The following RORB variants were observed in gnomAD, a reference collection of about 807,000 sequenced individuals.
The protein encoded by RORB is nuclear receptor ROR-beta.
RORB carries 6 observed loss-of-function variants against 59.1 expected under a neutral mutation model. The ratio of observed to expected loss-of-function variants is 0.10; its 90% confidence interval spans 0.06 to 0.20. The LOEUF is 0.20. Among genes scored for constraint, RORB ranks in the 10% least tolerant of loss-of-function variants. The pLI, the probability that RORB is intolerant of heterozygous loss-of-function variation, is 1.00. For synonymous variants in RORB, 215 were observed against 204.5 expected, an observed-to-expected ratio of 1.05 and a Z score of -0.44; for missense variants, 320 against 560.5, an observed-to-expected ratio of 0.57 and a Z score of 4.33.
At chr9:74,500,722 C>T (rs747335618) in intron 1 of RORB, among the ~76,000 whole-genome samples, 11 of 152,124 alleles carry the variant, frequency 7.2e-5, no homozygotes, top group Non-Finnish European at 1.6e-4. Flanking sequence ...CCTCCCCCGC[C>T]TAGGGCATTT....
rs553478602 is a variant in RORB at position 74,640,228 on chromosome 9, G to C, written c.236-2186G>C. Among the ~76,000 whole-genome samples the C allele has an allele frequency of 2.6e-5, 4 of 152,170 alleles. No homozygotes were observed. In the South Asian group the frequency reaches 8.3e-4, roughly 32 times the overall value. Reference sequence around the variant, plus strand: ...GCCAGAATGTAGGGGTTGGTTGCTTGGTTGGTTTGTTGTGTTTTGTTTTGT... The same window carrying C: ...GCCAGAATGTAGGGGTTGGTTGCTTCGTTGGTTTGTTGTGTTTTGTTTTGT... On this transcript the variant is annotated intron_variant, in intron 3 of 9. Coordinates refer to ENST00000376896, the MANE Select transcript of RORB (RefSeq NM_006914.4).
rs188347780 is a variant in RORB, at chr9:74,536,772, C to T, written c.7+38789C>T. On this transcript the variant is annotated intron_variant, in intron 1 of 9. Coordinates refer to ENST00000376896, the MANE Select transcript of RORB (RefSeq NM_006914.4). ...CAAAAAGAAAACATCAGCTTACTAG[C>T]CCACAGTCACCTGGTGAGACAGCAA... Among the ~76,000 whole-genome samples, 24 of 152,046 alleles carry T rather than the reference C, an allele frequency of 1.6e-4. 1 individual carries two copies. In the East Asian group the frequency reaches 4.3e-3, roughly 27 times the overall value.
At chr9:74,558,787 C>A (rs1005275344) in intron 1 of RORB, among the ~76,000 whole-genome samples, 1 of 152,034 alleles carries the variant, frequency 6.6e-6, no homozygotes, top group East Asian at 1.9e-4. Context: ...AATCTGCAAG[C>A]CCCGCTTGTG....
chr9:74,595,694 T>C (rs1364454699), intron 1 of RORB, among the ~76,000 whole-genome samples: 1 of 152,218 alleles, frequency 6.6e-6, no homozygotes, highest in South Asian at 2.1e-4. Flanking sequence ...TCCTATGTTG[T>C]TTTTTGGTTC....
chr9:74,597,939 C>T (rs967441955), intron 1 of RORB, among the ~76,000 whole-genome samples: 1 of 149,938 alleles, frequency 6.7e-6, no homozygotes, highest in South Asian at 2.1e-4. Flanking sequence ...GCCTGGGTGA[C>T]AACAGTGAAA....
intron 1 of RORB, among the ~76,000 whole-genome samples, chr9:74,513,236 G>T (rs957518493): frequency 2.0e-5 from 3 of 152,000 alleles, no homozygotes; most frequent in African/African-American, 2.4e-5. Flanking sequence ...AAATAGAATC[G>T]ATGTGAAACC....
At chr9:74,617,564 T>C (rs150337153) in intron 1 of RORB, among the ~76,000 whole-genome samples, 1 of 152,310 alleles carries the variant, frequency 6.6e-6, no homozygotes, top group African/African-American at 2.4e-5. Flanking sequence ...ATTATGCTGG[T>C]AATCTCTTTA....
At chr9:74,621,314 T>C (rs1823413918) in intron 1 of RORB, among the ~76,000 whole-genome samples, 1 of 152,218 alleles carries the variant, frequency 6.6e-6, no homozygotes, top group African/African-American at 2.4e-5. Context: ...TTTAATTATC[T>C]TTGTAGTTTT....
chr9:74,614,810 G>A (rs376088485), intron 1 of RORB, among the ~76,000 whole-genome samples: 12 of 152,196 alleles, frequency 7.9e-5, no homozygotes, highest in South Asian at 2.1e-4. Flanking sequence ...GGAAGTTAAC[G>A]CAATTTTTAC....
intron 1 of RORB, among the ~76,000 whole-genome samples, chr9:74,558,695 AGGG>A (rs1822347502): frequency 1.5e-5 from 1 of 66,298 alleles, no homozygotes. Flanking sequence ...GAAGAGATAG[AGGG>A]AGAAACAATA....
chr9:74,678,735 T>A (rs771393105), intron 9 of RORB, among the ~76,000 whole-genome samples: 1 of 152,140 alleles, frequency 6.6e-6, no homozygotes, highest in Non-Finnish European at 1.5e-5. Context: ...TAGACTTCAC[T>A]ATGATTAATA....
intron 8 of RORB, among the ~76,000 whole-genome samples, chr9:74,668,861 T>G (rs1824307487): frequency 1.3e-5 from 2 of 152,146 alleles, no homozygotes; most frequent in Admixed American, 6.5e-5. Context: ...AAGGGTCACC[T>G]GTATCAGGAG....
intron 1 of RORB, among the ~76,000 whole-genome samples, chr9:74,627,372 T>C (rs1463599794): frequency 6.6e-6 from 1 of 152,192 alleles, no homozygotes; most frequent in Non-Finnish European, 1.5e-5. Context: ...TATACACATA[T>C]ACCATTTTAA....
At chr9:74,632,884 T>C (rs552330042) in intron 2 of RORB, among the ~76,000 whole-genome samples, 1 of 152,320 alleles carries the variant, frequency 6.6e-6, no homozygotes, top group Non-Finnish European at 1.5e-5. Flanking sequence ...ATCTCCATTC[T>C]AAGATGCTCC....
In RORB at chr9:74,567,192, A is replaced by AT. The variant is rs374710036; in HGVS notation, c.8-63084dup. ...ACGCACACACCACCACACCCGGCTA[A>AT]TTTTTTGTATTTTTAGTAGAGACGA... On this transcript the variant is annotated intron_variant, in intron 1 of 9. Transcript: ENST00000376896. 4.4e-3 allele frequency among the ~76,000 whole-genome samples: 673 copies of AT among 151,992 alleles called. 5 individuals are homozygous for AT. Among genetic ancestry groups the AT allele is most frequent in the African/African-American group, 0.015 (622 of 41,456 alleles).
chr9:74,634,078 TA>T (rs57659935), intron 2 of RORB, among the ~76,000 whole-genome samples: 2,264 of 141,450 alleles, frequency 0.016, 18 homozygotes, highest in Admixed American at 0.024. Context: ...CTCAAAAAGT[TA>T]AAAAAAAAAA....
intron 1 of RORB, among the ~76,000 whole-genome samples, chr9:74,526,088 T>C (rs1826152465): frequency 6.6e-6 from 1 of 151,934 alleles, no homozygotes. Flanking sequence ...TCTTCTAATT[T>C]GGAATCACTC....
chr9:74,637,484 C>T (rs1823725610), intron 3 of RORB, among the ~76,000 whole-genome samples: 1 of 152,118 alleles, frequency 6.6e-6, no homozygotes. Context: ...ATACGTGTGT[C>T]TTTATGTGTA....
chr9:74,607,053 C>G (rs1823159977), intron 1 of RORB, among the ~76,000 whole-genome samples: 1 of 152,104 alleles, frequency 6.6e-6, no homozygotes, highest in Admixed American at 6.5e-5. Flanking sequence ...ATATAGGTCC[C>G]AGGTGCAGCA....
Sources: allele counts gnomAD v4.1 joint callset (sites outside exome capture counted in the v4.1 genomes callset), GRCh38; gene constraint gnomAD v4.1.1; transcripts MANE v1.5; gene names NCBI Gene and HGNC (gene_info 2026-07-23, HGNC 2026-07-21).